TTC29: variants seen among roughly 807,000 people sequenced by gnomAD.
TTC29 encodes tetratricopeptide repeat protein 29.
Under a neutral mutation model 58.1 loss-of-function variants are expected in TTC29, and 49 were observed. The ratio of observed to expected loss-of-function variants is 0.84; its 90% CI spans 0.67 to 1.07. The LOEUF is 1.07. Among genes scored for constraint, TTC29 ranks in the 50% least tolerant of loss-of-function variants. The probability of loss-of-function intolerance (pLI) is 0.00; values close to 1 mark genes in which losing one functional copy is unlikely to be tolerated. For synonymous variants in TTC29, 209 were observed against 196.8 expected (o/e 1.06, Z -0.52); for missense variants, 582 against 555.6 (o/e 1.05, Z -0.48).
At chr4:146,762,172 G>C (rs1325169154) in intron 11 of TTC29, among the ~76,000 whole-genome samples, 1 of 151,842 alleles carries the variant, frequency 6.6e-6, no homozygotes, top group Non-Finnish European at 1.5e-5. Flanking sequence ...TGAATCCACA[G>C]AGCTCCATCA....
chr4:146,724,907 A>T (rs1053917838), intron 11 of TTC29, among the ~76,000 whole-genome samples: 115 of 152,184 alleles, frequency 7.6e-4, no homozygotes, highest in African/African-American at 2.6e-3. Context: ...CAGCTATACG[A>T]CTTATCTTAA....
At chr4:146,805,942 C>T (rs768158216) in intron 10 of TTC29, among the ~76,000 whole-genome samples, 1 of 151,980 alleles carries the variant, frequency 6.6e-6, no homozygotes, top group Non-Finnish European at 1.5e-5. Context: ...TCAGATTCAC[C>T]GAGGTTAAAA....
intron 6 of TTC29, among the ~76,000 whole-genome samples, chr4:146,895,419 G>T (rs900140461): frequency 1.3e-5 from 2 of 152,184 alleles, no homozygotes; most frequent in Non-Finnish European, 1.5e-5. Flanking sequence ...ATTTCCTTCT[G>T]GGTTTAGTCT....
chr4:146,854,202 T>C (rs1222065533), intron 8 of TTC29, among the ~76,000 whole-genome samples: 4 of 152,134 alleles, frequency 2.6e-5, no homozygotes, highest in Non-Finnish European at 5.9e-5. Flanking sequence ...ATAAGCCACA[T>C]GTACTCAATT....
At chr4:146,934,490 T>A (rs1421937532) in intron 4 of TTC29, among the ~76,000 whole-genome samples, 1 of 152,118 alleles carries the variant, frequency 6.6e-6, no homozygotes, top group African/African-American at 2.4e-5. Context: ...AGTAGACACA[T>A]CAAGGAGGCA....
chr4:146,845,987 G>T (rs1341151976), intron 8 of TTC29, among the ~76,000 whole-genome samples: 1 of 152,090 alleles, frequency 6.6e-6, no homozygotes, highest in African/African-American at 2.4e-5. Context: ...CTCGTCTTAT[G>T]TTAACCTTGA....
chr4:146,891,642 G>C (rs1398293682), intron 6 of TTC29, among the ~76,000 whole-genome samples: 1 of 152,144 alleles, frequency 6.6e-6, no homozygotes. Flanking sequence ...TGGTGACAAG[G>C]ATTACAGGGA....
At position 146,737,590 on chromosome 4, in the gene TTC29, T is replaced by TGGG. The variant is rs56346604; in HGVS notation, c.1331-30042_1331-30040dup. ...CAAGTGAGGCTGATGCTAGTAGCCC[T>TGGG]GGGGGGGGGGGGGCTACAAACGGGT... is the stretch of plus-strand genomic sequence containing the variant. On this transcript the variant is annotated intron_variant, in intron 11 of 12. Coordinates refer to ENST00000325106, the MANE Select transcript of TTC29 (RefSeq NM_031956.4). Among the ~76,000 whole-genome samples, 130 of 93,964 alleles carry TGGG rather than the reference T, an allele frequency of 1.4e-3. 2 individuals carry two copies. Among genetic ancestry groups the TGGG allele is most frequent in the South Asian group, 6.1e-3 (13 of 2,124 alleles). The allele number at this position is 93,964 out of a possible 152,430, so 61.6% of individuals were successfully genotyped here. A position where few individuals can be genotyped will look rare whatever the true frequency, so the allele number is the denominator to read the frequency against.
chr4:146,842,669 G>A (rs968011083), intron 8 of TTC29, among the ~76,000 whole-genome samples: 6 of 151,906 alleles, frequency 3.9e-5, no homozygotes, highest in East Asian at 3.9e-4. Context: ...TTTTTTACCC[G>A]TTTCTTCCTT....
chr4:146,755,492 C>T lies in TTC29; in HGVS notation c.1331-47941G>A, dbSNP rs192979144. Reference sequence around the variant, plus strand: ...AGGAAATGGGGAGATGTAAATCAGACGATAAAAGTAGCAGACATGTAGGAT... The same window carrying T: ...AGGAAATGGGGAGATGTAAATCAGATGATAAAAGTAGCAGACATGTAGGAT... On this transcript the variant is annotated intron_variant, in intron 11 of 12. Coordinates refer to ENST00000325106, the MANE Select transcript of TTC29 (RefSeq NM_031956.4). Among the ~76,000 whole-genome samples the T allele has an allele frequency of 3.3e-5, 5 of 152,128 alleles. No homozygotes were observed. In the East Asian group the frequency reaches 5.8e-4, roughly 18 times the overall value.
chr4:146,785,625 T>TA (rs143020175), intron 11 of TTC29, among the ~76,000 whole-genome samples: 4,733 of 152,232 alleles, frequency 0.031, 243 homozygotes, highest in African/African-American at 0.11. Context: ...TCCCCCAGTC[T>TA]AAAAAATCTC....
chr4:146,888,358 C>T (rs563923107), intron 6 of TTC29, among the ~76,000 whole-genome samples: 1 of 151,998 alleles, frequency 6.6e-6, no homozygotes. Context: ...AAAGAGCAGA[C>T]CAGGTGGGGA....
At chr4:146,838,847 T>G (rs1023978247) in intron 8 of TTC29, among the ~76,000 whole-genome samples, 1 of 152,028 alleles carries the variant, frequency 6.6e-6, no homozygotes, top group African/African-American at 2.4e-5. Context: ...TATACCTTTA[T>G]TTTAGAAACT....
chr4:146,837,982 C>T (rs1324347977), intron 8 of TTC29, among the ~76,000 whole-genome samples: 1 of 151,816 alleles, frequency 6.6e-6, no homozygotes, highest in Non-Finnish European at 1.5e-5. Flanking sequence ...CCAAAGTTAC[C>T]AAAGTTGGCA....
intron 11 of TTC29, among the ~76,000 whole-genome samples, chr4:146,791,349 CTTACTA>C (rs1451505631): frequency 2.0e-5 from 3 of 152,154 alleles, no homozygotes; most frequent in African/African-American, 4.8e-5. Flanking sequence ...GTATTTCAAA[CTTACTA>C]TTAATATTAT....
chr4:146,841,126 G>C (rs1728825688), intron 8 of TTC29, among the ~76,000 whole-genome samples: 1 of 152,090 alleles, frequency 6.6e-6, no homozygotes, highest in Non-Finnish European at 1.5e-5. Flanking sequence ...GCACATAACA[G>C]TAGTCTTTTG....
chr4:146,806,136 G>C (rs1750600284), intron 10 of TTC29, among the ~76,000 whole-genome samples: 1 of 152,130 alleles, frequency 6.6e-6, no homozygotes, highest in Non-Finnish European at 1.5e-5. Flanking sequence ...GCCAAACTAA[G>C]CTTCATAAGC....
chr4:146,754,818 T>C (rs1746312272), intron 11 of TTC29, among the ~76,000 whole-genome samples: 2 of 151,956 alleles, frequency 1.3e-5, no homozygotes, highest in African/African-American at 4.8e-5. Flanking sequence ...AACATAATAA[T>C]GAAGATGAAC....
chr4:146,778,625 G>A (rs1417746150), intron 11 of TTC29, among the ~76,000 whole-genome samples: 1 of 152,142 alleles, frequency 6.6e-6, no homozygotes, highest in Non-Finnish European at 1.5e-5. Flanking sequence ...TTGTTCAAAT[G>A]TGAGTACACA....
Sources: allele counts gnomAD v4.1 joint callset (sites outside exome capture counted in the v4.1 genomes callset), GRCh38; gene constraint gnomAD v4.1.1; transcripts MANE v1.5; gene names NCBI Gene and HGNC (gene_info 2026-07-23, HGNC 2026-07-21).